Variants in TECTA observed in about 807,000 individuals in gnomAD.
TECTA encodes the protein tectorin alpha.
Under a neutral mutation model 216.8 loss-of-function variants are expected in TECTA, and 128 were observed. That is an observed-to-expected ratio of 0.59 (90% confidence interval 0.51 to 0.68). The LOEUF is 0.68. TECTA is among the 30% of genes least tolerant of loss of function. The pLI, the probability that TECTA is intolerant of heterozygous loss-of-function variation, is 0.00. For missense variants in TECTA, 2,551 were observed against 2,786.2 expected (o/e 0.92, Z 1.90); for synonymous variants, 1,089 against 1,117.1 (o/e 0.97, Z 0.50).
intron 20 of TECTA, among the ~76,000 whole-genome samples, chr11:121,172,177 C>A (rs902067715): frequency 6.6e-6 from 1 of 151,912 alleles, no homozygotes; most frequent in Non-Finnish European, 1.5e-5. Flanking sequence ...ATTGTTCATT[C>A]TTTTTTTATT....
chr11:121,131,643 A>T (rs1373738282), intron 10 of TECTA, among the ~76,000 whole-genome samples: 1 of 152,268 alleles, frequency 6.6e-6, no homozygotes, highest in Non-Finnish European at 1.5e-5. Context: ...AACAAAAAAC[A>T]AACCCTGGAA....
intron 12 of TECTA, among the ~76,000 whole-genome samples, chr11:121,152,143 C>G (rs1317248406): frequency 6.6e-6 from 1 of 152,238 alleles, no homozygotes; most frequent in African/African-American, 2.4e-5. Flanking sequence ...ACCCTACCTG[C>G]CTTCTATAGA....
chr11:121,171,369 G>C (rs1947110744), intron 20 of TECTA, among the ~76,000 whole-genome samples: 1 of 152,146 alleles, frequency 6.6e-6, no homozygotes, highest in South Asian at 2.1e-4. Flanking sequence ...GATGTCTCCA[G>C]CTTTGTTCTT....
chr11:121,155,197 T>C (rs1946929475), intron 13 of TECTA, among the ~76,000 whole-genome samples: 3 of 152,214 alleles, frequency 2.0e-5, no homozygotes, highest in African/African-American at 7.2e-5. Flanking sequence ...TTGTCATGTA[T>C]GATTCAAGTA....
At chr11:121,119,140 C>T (rs1000562128) in intron 7 of TECTA, among the ~76,000 whole-genome samples, 1 of 152,044 alleles carries the variant, frequency 6.6e-6, no homozygotes, top group African/African-American at 2.4e-5. Context: ...ACAATACAAA[C>T]CCCCAATTCA....
At chr11:121,116,804 G>A (rs937153792) in intron 6 of TECTA, among the ~76,000 whole-genome samples, 11 of 152,190 alleles carry the variant, frequency 7.2e-5, no homozygotes, top group African/African-American at 2.7e-4. Context: ...GCCTGAAAAA[G>A]CAGGGCCTGG....
chr11:121,182,528 C>A (rs1012645818), intron 20 of TECTA, among the ~76,000 whole-genome samples: 2 of 152,196 alleles, frequency 1.3e-5, no homozygotes, highest in African/African-American at 4.8e-5. Flanking sequence ...GAGTGGCAAG[C>A]AGGGCAGGCC....
intron 13 of TECTA, 41 bp from the exon 14 acceptor site, chr11:121,157,800 A>G: frequency 6.2e-7 from 1 of 1,612,392 alleles, no homozygotes; most frequent in Non-Finnish European, 8.5e-7. Context: ...CCCAGCCCTG[A>G]CCACAGTCTG....
In TECTA at chr11:121,140,976, G is replaced by T. The variant is rs1946779114; in HGVS notation, c.3543+2954G>T. The T allele has an allele frequency of 2.0e-5, 3 of 152,088 alleles. No individual in the cohort carries two copies. In the South Asian group the frequency reaches 6.2e-4, roughly 32 times the overall value. The allele number at this position is 152,088 out of a possible 1,614,324, so 9.4% of individuals were successfully genotyped here. A position where few individuals can be genotyped will look rare whatever the true frequency, so the allele number is the denominator to read the frequency against. On this transcript the variant is annotated intron_variant, in intron 11 of 23. Coordinates refer to ENST00000392793, the MANE Select transcript of TECTA (RefSeq NM_005422.4). ...GGACACAGTGTAACCCACAATAGGG[G>T]GTCATTGGAGACAATGAGCATCAAG...
intron 10 of TECTA, among the ~76,000 whole-genome samples, chr11:121,134,560 T>C (rs1414987012): frequency 1.4e-5 from 2 of 147,984 alleles, no homozygotes; most frequent in African/African-American, 5.1e-5. Flanking sequence ...GACCTTATCA[T>C]ACTTTCCCAA....
Position 121,189,815 on chromosome 11 carries a change from G to C in TECTA, c.6302G>C (p.Arg2101Pro). 6.2e-7 allele frequency: 1 copy of C among 1,613,962 alleles called. No homozygotes were observed. Residue 2101 changes from arginine (R) to proline (P), a missense_variant, in exon 23 of 24, where the codon CGG (arginine) becomes CCG (proline). Arg to Pro is a moderately radical substitution (Grantham distance 103). Transcript: ENST00000392793. The part of the protein sequence containing the change: ...NGGCEQICTS[R>P]VDGPLCSCVT... ...GGGTGTGAGCAGATTTGCACGAGCC[G>C]GGTGGATGGGCCTCTCTGCAGCTGT...
In TECTA at chr11:121,190,797, G is replaced by A. The variant is rs764337303; in HGVS notation, c.6459G>A (p.Thr2153=). Residue 2153 remains threonine (T), a synonymous_variant, in exon 24 of 24, where the codon ACG becomes ACA. Coordinates refer to ENST00000392793, the MANE Select transcript of TECTA (RefSeq NM_005422.4). ...SLWHFVYKSG[T]TS The stretch of plus-strand genomic sequence containing the variant: ...GGCATTTTGTCTATAAATCAGGCAC[G>A]ACCTCATAATTAACTCAAGGTTGCT... 47 of 1,610,732 alleles carry A rather than the reference G, an allele frequency of 2.9e-5. No individual in the cohort carries two copies. In the South Asian group the frequency reaches 3.6e-4, roughly 12 times the overall value.
At chr11:121,172,334 C>T (rs1230077343) in intron 20 of TECTA, among the ~76,000 whole-genome samples, 2 of 151,848 alleles carry the variant, frequency 1.3e-5, no homozygotes, top group Admixed American at 6.6e-5. Flanking sequence ...GCTATCCCTC[C>T]CCGCTCTCCC....
In TECTA at chr11:121,158,022, G is replaced by C; in HGVS notation, c.4487G>C (p.Arg1496Pro). 6.2e-7 allele frequency: 1 copy of C among 1,612,854 alleles called. No homozygotes were observed. Among genetic ancestry groups the C allele is most frequent in the Non-Finnish European group, 8.5e-7 (1 of 1,179,944 alleles). The change falls in exon 14 of 24, where the codon CGC becomes CCC. Residue 1496 changes from arginine to proline, a missense_variant. Arg to Pro is a moderately radical substitution (Grantham distance 103). This residue lies in a region of TECTA where 2,375 missense variants were observed against 2,563.9 expected (regional missense o/e 0.93). Transcript: ENST00000392793. ...CTGGCGGCCGGCGGCGGCGTCTTCC[G>C]CACCTTCGACGGCGCCTTCCTGCGC... is the stretch of plus-strand genomic sequence containing the variant. ...YCLAAGGGVFRTFDGAFLRFP... is the reference protein window; with the variant it reads ...YCLAAGGGVFPTFDGAFLRFP...
At chr11:121,146,946 T>C (rs1946844042) in intron 12 of TECTA, among the ~76,000 whole-genome samples, 1 of 152,192 alleles carries the variant, frequency 6.6e-6, no homozygotes, top group Middle Eastern at 3.2e-3. Flanking sequence ...CCTAAGGTCA[T>C]ATAATCTGAG....
rs1342954889 is a variant in TECTA at position 121,172,774 on chromosome 11, G to A, written c.5999+3849G>A. Among the ~76,000 whole-genome samples the A allele has an allele frequency of 1.2e-4, 19 of 152,212 alleles. 1 individual carries two copies. The highest frequency in any genetic ancestry group is 1.2e-3 in the Admixed American group (18 of 15,262). On this transcript the variant is annotated intron_variant, in intron 20 of 23. Transcript: ENST00000392793. ...CTGAGGAATCGCCACACTGACTTCT[G>A]CAAGGGTTGAACTAGTTTACAGTCC...
At chr11:121,157,299 T>C (rs1335030621) in intron 13 of TECTA, among the ~76,000 whole-genome samples, 1 of 152,180 alleles carries the variant, frequency 6.6e-6, no homozygotes, top group Non-Finnish European at 1.5e-5. Context: ...ATTTCAGAGT[T>C]CTTGATTAAA....
At chr11:121,184,982 C>G (rs879454392) in intron 20 of TECTA, among the ~76,000 whole-genome samples, 23 of 152,224 alleles carry the variant, frequency 1.5e-4, no homozygotes, top group African/African-American at 5.5e-4. Context: ...ATATGAGACA[C>G]TCTACAAATG....
chr11:121,157,438 C>G (rs1189971224), intron 13 of TECTA, among the ~76,000 whole-genome samples: 1 of 151,992 alleles, frequency 6.6e-6, no homozygotes, highest in African/African-American at 2.4e-5. Flanking sequence ...ACAAAAAATA[C>G]AAAAATTAGC....
Sources: allele counts gnomAD v4.1 joint callset (sites outside exome capture counted in the v4.1 genomes callset), GRCh38; gene constraint gnomAD v4.1.1; regional missense constraint gnomAD v4.1.1; transcripts MANE v1.5; gene names NCBI Gene and HGNC (gene_info 2026-07-23, HGNC 2026-07-21).